The following KHDRBS2 variants were observed in gnomAD, a reference collection of about 807,000 sequenced individuals.
KHDRBS2 encodes KH domain-containing, RNA-binding, signal transduction-associated protein 2.
Under a neutral mutation model 44.3 loss-of-function variants are expected in KHDRBS2, and 26 were observed. That is an observed-to-expected ratio of 0.59 (90% CI 0.43 to 0.81). KHDRBS2 has a LOEUF of 0.81. Among genes scored for constraint, KHDRBS2 ranks in the 40% least tolerant of loss-of-function variants. The probability of loss-of-function intolerance (pLI) is 0.00; values close to 1 mark genes in which losing one functional copy is unlikely to be tolerated. For synonymous variants in KHDRBS2, 194 were observed against 151.1 expected (o/e 1.28, Z -2.08); for missense variants, 476 against 433.1 (o/e 1.10, Z -0.88).
chr6:61,924,898 G>A (rs1808686205), intron 4 of KHDRBS2, among the ~76,000 whole-genome samples: 1 of 152,040 alleles, frequency 6.6e-6, no homozygotes, highest in African/African-American at 2.4e-5. Flanking sequence ...AGTTAAGAGA[G>A]CCCACTCTCT....
At chr6:61,632,832 C>T in the KHDRBS2 span, among the ~76,000 whole-genome samples, 1 of 152,010 alleles carries the variant, frequency 6.6e-6, no homozygotes, top group Admixed American at 6.6e-5. Flanking sequence ...TAATAGTTTT[C>T]CCATACATGA....
At chr6:61,914,792 T>C (rs1428219951) in intron 4 of KHDRBS2, among the ~76,000 whole-genome samples, 2 of 152,018 alleles carry the variant, frequency 1.3e-5, no homozygotes, top group Non-Finnish European at 2.9e-5. Context: ...TAATCTTGCT[T>C]AGGAAAAAAT....
At chr6:62,125,547 C>T in intron 2 of KHDRBS2, among the ~76,000 whole-genome samples, 1 of 152,196 alleles carries the variant, frequency 6.6e-6, no homozygotes, top group East Asian at 1.9e-4. Context: ...ACCACCCATC[C>T]CCAGCCCCAG....
intron 2 of KHDRBS2, among the ~76,000 whole-genome samples, chr6:62,142,815 T>C (rs1469248594): frequency 6.6e-6 from 1 of 151,524 alleles, no homozygotes; most frequent in African/African-American, 2.4e-5. Context: ...GAAAACATTA[T>C]TATTATATAT....
the KHDRBS2 span, among the ~76,000 whole-genome samples, chr6:61,596,924 A>C: frequency 6.6e-6 from 1 of 152,138 alleles, no homozygotes; most frequent in African/African-American, 2.4e-5. Context: ...TGCTGGAATT[A>C]CAGGTGTGAG....
chr6:62,286,160 C>T lies in KHDRBS2; in HGVS notation c.-212G>A, dbSNP rs1471837529. On this transcript the variant is annotated 5_prime_UTR_variant, in exon 1 of 9. Transcript: ENST00000281156. ...GCCCACACCTGCCCGTCCCTTCCGT[C>T]GTCCCTCGCTCGCGCAGAGCCCCGG... 9 of 552,540 alleles carry T rather than the reference C, an allele frequency of 1.6e-5. No individual in the cohort carries two copies. The highest frequency in any genetic ancestry group is 8.1e-5 in the African/African-American group (4 of 49,472). The allele number at this position is 552,540 out of a possible 1,614,324, so 34.2% of individuals were successfully genotyped here.
the KHDRBS2 span, among the ~76,000 whole-genome samples, chr6:61,655,225 T>TACATACAC: frequency 4.1e-5 from 6 of 145,302 alleles, no homozygotes; most frequent in African/African-American, 1.5e-4. Context: ...CATACATACA[T>TACATACAC]ACACACACAC....
intron 3 of KHDRBS2, among the ~76,000 whole-genome samples, chr6:61,995,637 A>T (rs530075757): frequency 1.3e-5 from 2 of 152,286 alleles, no homozygotes; most frequent in African/African-American, 4.8e-5. Flanking sequence ...CATGTGCAAA[A>T]GTCAGGGTGA....
chr6:62,069,289 AAT>A (rs1794453779), intron 2 of KHDRBS2, among the ~76,000 whole-genome samples: 1 of 151,696 alleles, frequency 6.6e-6, no homozygotes, highest in African/African-American at 2.4e-5. Flanking sequence ...AAGAAAAGAA[AAT>A]GTTACTATGA....
chr6:61,806,817 T>A (rs1364228285), intron 6 of KHDRBS2, among the ~76,000 whole-genome samples: 1 of 152,118 alleles, frequency 6.6e-6, no homozygotes, highest in Admixed American at 6.6e-5. Flanking sequence ...ATTTTTAATT[T>A]TTATTTTGTA....
chr6:61,602,064 C>T, the KHDRBS2 span, among the ~76,000 whole-genome samples: 1 of 152,092 alleles, frequency 6.6e-6, no homozygotes, highest in African/African-American at 2.4e-5. Context: ...AGCCCTAGAC[C>T]CTAAAAGGTC....
chr6:61,972,963 T>C (rs1258832171), intron 4 of KHDRBS2, among the ~76,000 whole-genome samples: 1 of 152,112 alleles, frequency 6.6e-6, no homozygotes, highest in Non-Finnish European at 1.5e-5. Context: ...CTAGCCCACA[T>C]GGCAAAAGCC....
At chr6:62,212,968 T>A (rs1829340036) in intron 1 of KHDRBS2, among the ~76,000 whole-genome samples, 1 of 151,990 alleles carries the variant, frequency 6.6e-6, no homozygotes, top group Non-Finnish European at 1.5e-5. Context: ...GATATATGAA[T>A]AAAGTGATTA....
chr6:61,579,791 C>T, the KHDRBS2 span, among the ~76,000 whole-genome samples: 6 of 151,934 alleles, frequency 3.9e-5, no homozygotes, highest in Admixed American at 1.3e-4. Flanking sequence ...GGTGTGGTGG[C>T]TCATGCCTGT....
chr6:62,081,481 G>A (rs1797383998), intron 2 of KHDRBS2, among the ~76,000 whole-genome samples: 1 of 152,250 alleles, frequency 6.6e-6, no homozygotes, highest in Middle Eastern at 3.4e-3. Flanking sequence ...GACATATGCT[G>A]TCAAAGACAT....
intron 6 of KHDRBS2, among the ~76,000 whole-genome samples, chr6:61,863,870 T>C (rs1196981757): frequency 6.6e-6 from 1 of 152,184 alleles, no homozygotes; most frequent in Non-Finnish European, 1.5e-5. Context: ...CTGTCTAACA[T>C]TGTTAGTAGG....
rs140167923 is a variant in KHDRBS2, at chr6:62,194,646, C to T, written c.92-17334G>A. Among the ~76,000 whole-genome samples the T allele has an allele frequency of 2.9e-3, 431 of 150,922 alleles. 2 individuals carry two copies. Among genetic ancestry groups the T allele is most frequent in the African/African-American group, 9.5e-3 (389 of 41,110 alleles). ...TCCCAAGAAACTGGGATTAAAGTTG[C>T]GCCCGCCACCACACCACACCCAGCT... On this transcript the variant is annotated intron_variant, in intron 1 of 8. Coordinates refer to ENST00000281156, the MANE Select transcript of KHDRBS2 (RefSeq NM_152688.4).
At chr6:61,963,714 T>C (rs1769270225) in intron 4 of KHDRBS2, among the ~76,000 whole-genome samples, 2 of 152,058 alleles carry the variant, frequency 1.3e-5, no homozygotes, top group African/African-American at 4.8e-5. Flanking sequence ...ACAGTCTAAT[T>C]GGGACACATA....
the KHDRBS2 span, among the ~76,000 whole-genome samples, chr6:61,542,993 T>C: frequency 6.6e-6 from 1 of 151,978 alleles, no homozygotes; most frequent in African/African-American, 2.4e-5. Context: ...TATAAAGACC[T>C]CAAGGCTATG....
Sources: gnomAD v4.1 joint callset for allele counts (sites outside exome capture counted in the v4.1 genomes callset) on GRCh38, gnomAD v4.1.1 for gene constraint, MANE v1.5 for transcripts, NCBI Gene and HGNC (gene_info 2026-07-23, HGNC 2026-07-21) for gene names.